The following BRSK2 variants were observed in gnomAD, a reference collection of about 807,000 sequenced individuals.
The protein encoded by BRSK2 is serine/threonine-protein kinase BRSK2.
A neutral mutation model predicts 83.3 loss-of-function variants in BRSK2; 19 were observed. The observed-to-expected ratio is 0.23, with a 90% CI of 0.16 to 0.33. The LOEUF is 0.33. Ranked by LOEUF, BRSK2 falls within the 10% of genes least tolerant of loss-of-function variation. BRSK2 has a pLI of 1.00. For missense variants in BRSK2, 798 were observed against 1,042.3 expected, an observed-to-expected ratio of 0.77 and a Z score of 3.23; for synonymous variants, 519 against 435.4, an observed-to-expected ratio of 1.19 and a Z score of -2.39.
At chr11:1,444,210 G>A (rs532248015) in intron 8 of BRSK2, among the ~76,000 whole-genome samples, 17 of 152,250 alleles carry the variant, frequency 1.1e-4, no homozygotes, top group African/African-American at 3.4e-4. Flanking sequence ...TCCAGGCAGC[G>A]TGAATAGTTC....
At chr11:1,398,947 C>A (rs569311147) in intron 1 of BRSK2, among the ~76,000 whole-genome samples, 1 of 152,324 alleles carries the variant, frequency 6.6e-6, no homozygotes, top group East Asian at 1.9e-4. Context: ...CACCCGCGGC[C>A]GTCCCTGGCT....
At chr11:1,441,019 C>A in intron 4 of BRSK2, 91 bp downstream of exon 4, 3 of 1,145,550 alleles carry the variant, frequency 2.6e-6, no homozygotes, top group Non-Finnish European at 3.7e-6. Flanking sequence ...AAGGACTACA[C>A]CCCCTATGGT....
At chr11:1,453,156 C>T (rs11604075) in intron 15 of BRSK2, among the ~76,000 whole-genome samples, 35,157 of 152,158 alleles carry the variant, frequency 0.23, 4,470 homozygotes, top group Non-Finnish European at 0.28. Flanking sequence ...GATTTAAGTT[C>T]GTCTCATCTA....
chr11:1,456,486 AAGG>A lies in BRSK2; in HGVS notation c.1810_1812del (p.Glu604del). 1 of 1,575,534 alleles carries A rather than the reference AAGG, an allele frequency of 6.3e-7. No individual in the cohort carries two copies. The highest frequency in any genetic ancestry group is 8.6e-7 in the Non-Finnish European group (1 of 1,159,494). On this transcript the variant is annotated inframe_deletion, in exon 17 of 20. Coordinates refer to ENST00000528841, the MANE Select transcript of BRSK2 (RefSeq NM_001256627.2). The stretch of plus-strand genomic sequence containing the variant: ...CTACACGGAGGGTGGGGAGGCGCAG[AAGG>A]AGAACGGCATCTACTCCGTCACCTT...
At chr11:1,428,031 G>A (rs1320576922) in intron 1 of BRSK2, among the ~76,000 whole-genome samples, 1 of 152,192 alleles carries the variant, frequency 6.6e-6, no homozygotes, top group Non-Finnish European at 1.5e-5. Flanking sequence ...TCTGAGGAGT[G>A]TGTAGGAGTC....
intron 1 of BRSK2, among the ~76,000 whole-genome samples, chr11:1,399,661 T>C (rs1007541618): frequency 6.6e-6 from 1 of 152,194 alleles, no homozygotes; most frequent in African/African-American, 2.4e-5. Flanking sequence ...CCCGTCCCTC[T>C]GCTGCCACAG....
At position 1,420,758 on chromosome 11, in the gene BRSK2, G is replaced by A. The variant is rs2134191133; in HGVS notation, c.92-15282G>A. Reference sequence around the variant, plus strand: ...CTGTCACCCTCTTTGTGGCCTGCCTGGGGGACTCCTCTGGTTACTCCTGTC... The same window carrying A: ...CTGTCACCCTCTTTGTGGCCTGCCTAGGGGACTCCTCTGGTTACTCCTGTC... On this transcript the variant is annotated intron_variant, in intron 1 of 19. Coordinates refer to ENST00000528841, the MANE Select transcript of BRSK2 (RefSeq NM_001256627.2). Among the ~76,000 whole-genome samples, 3 of 152,346 alleles carry A rather than the reference G, an allele frequency of 2.0e-5. No individual in the cohort carries two copies. The South Asian group carries it at 6.2e-4, about 32-fold the overall frequency.
chr11:1,415,363 G>T (rs182277462), intron 1 of BRSK2, among the ~76,000 whole-genome samples: 7 of 152,090 alleles, frequency 4.6e-5, no homozygotes, highest in African/African-American at 1.7e-4. Flanking sequence ...CAAAGTGCTG[G>T]GATTACAGGC....
At chr11:1,411,521 G>T (rs774084192) in intron 1 of BRSK2, 2 of 1,526,250 alleles carry the variant, frequency 1.3e-6, no homozygotes, top group East Asian at 4.7e-5. Context: ...GCAGGGGAGG[G>T]GCCGCACATC....
chr11:1,405,964 TCCCAGACC>T (rs934753908), intron 1 of BRSK2, among the ~76,000 whole-genome samples: 12 of 152,148 alleles, frequency 7.9e-5, no homozygotes, highest in African/African-American at 2.9e-4. Flanking sequence ...TCCCCAGCCT[TCCCAGACC>T]CCCACAAGCC....
intron 12 of BRSK2, chr11:1,447,714 C>A (rs949447288): frequency 8.4e-6 from 11 of 1,307,828 alleles, no homozygotes; most frequent in Non-Finnish European, 1.1e-5. Context: ...GAGTTCTTAC[C>A]CGGTGTGGCC....
rs1018235877 is a variant in BRSK2, at chr11:1,400,994, G to A, written c.91+10619G>A. Among the ~76,000 whole-genome samples the A allele has an allele frequency of 2.0e-3, 303 of 152,356 alleles. 7 individuals carry two copies. Among genetic ancestry groups the A allele is most frequent in the Admixed American group, 0.02 (302 of 15,312 alleles). ...CCAGCTCCCAGCCTGGCCTCAATGC[G>A]GGGCATGAGGGCTCATTTCATTCAG... is the stretch of plus-strand genomic sequence containing the variant. On this transcript the variant is annotated intron_variant, in intron 1 of 19. Coordinates refer to ENST00000528841, the MANE Select transcript of BRSK2 (RefSeq NM_001256627.2).
chr11:1,410,614 C>G, intron 1 of BRSK2: 1 of 985,428 alleles, frequency 1.0e-6, no homozygotes, highest in Non-Finnish European at 1.2e-6. Context: ...GAGTGCAGGG[C>G]TCACACTGTG....
At chr11:1,414,941 G>A (rs1036915669) in intron 1 of BRSK2, among the ~76,000 whole-genome samples, 2 of 152,178 alleles carry the variant, frequency 1.3e-5, no homozygotes, top group East Asian at 3.9e-4. Context: ...GACAGACCAC[G>A]TTGTTCGCCT....
chr11:1,451,346 C>T (rs928160653), intron 14 of BRSK2, 25 bp from the exon 15 acceptor site: 3 of 1,612,672 alleles, frequency 1.9e-6, no homozygotes, highest in Non-Finnish European at 2.5e-6. Context: ...CCACGCCTTT[C>T]CTCCTGTTCA....
At chr11:1,455,433 C>T (rs890279316) in intron 16 of BRSK2, among the ~76,000 whole-genome samples, 8 of 151,986 alleles carry the variant, frequency 5.3e-5, no homozygotes, top group South Asian at 4.2e-4. Flanking sequence ...TGGTTCGCTT[C>T]GGCAGCCTCT....
chr11:1,459,289 T>TCAC (rs1847099216), intron 19 of BRSK2, 50 bp downstream of exon 19: 1 of 1,604,692 alleles, frequency 6.2e-7, no homozygotes, highest in African/African-American at 1.3e-5. Context: ...ACTTCACCGC[T>TCAC]CACCCTCAGC....
intron 1 of BRSK2, chr11:1,410,631 A>C (rs1224491538): frequency 2.0e-6 from 2 of 985,042 alleles, no homozygotes; most frequent in African/African-American, 3.5e-5. Context: ...TGTGTCTTTG[A>C]GGGCTGGTCA....
rs533178290 is a variant in BRSK2 at position 1,393,455 on chromosome 11, C to T, written c.91+3080C>T. Among the ~76,000 whole-genome samples, 798 of 152,006 alleles carry T rather than the reference C, an allele frequency of 5.2e-3. 12 individuals are homozygous for T. Among genetic ancestry groups the T allele is most frequent in the African/African-American group, 0.018 (758 of 41,442 alleles). On this transcript the variant is annotated intron_variant, in intron 1 of 19. Coordinates refer to ENST00000528841, the MANE Select transcript of BRSK2 (RefSeq NM_001256627.2). ...CTTCGGGAATCCTCTGTCTGGGGGGCGGGAGAAAGGAATAATGGCCGCGAT... is the reference window on the plus strand; with the variant it reads ...CTTCGGGAATCCTCTGTCTGGGGGGTGGGAGAAAGGAATAATGGCCGCGAT...
Sources: allele counts gnomAD v4.1 joint callset (sites outside exome capture counted in the v4.1 genomes callset), GRCh38; gene constraint gnomAD v4.1.1; transcripts MANE v1.5; gene names NCBI Gene and HGNC (gene_info 2026-07-23, HGNC 2026-07-21).